AP2B1: variants seen among roughly 807,000 people sequenced by gnomAD.
AP2B1 encodes adaptor related protein complex 2 subunit beta 1.
In AP2B1, 23 loss-of-function variants were observed where a neutral mutation model predicts 102.0. The ratio of observed to expected loss-of-function variants is 0.23; its 90% CI spans 0.16 to 0.32. AP2B1 has a LOEUF of 0.32. Among genes scored for constraint, AP2B1 ranks in the 10% least tolerant of loss-of-function variants. AP2B1 has a pLI of 1.00. For missense variants in AP2B1, 541 were observed against 1,157.4 expected (o/e 0.47, Z 7.73); for synonymous variants, 381 against 421.2 (o/e 0.90, Z 1.17).
chr17:35,630,658 G>T (rs1449749890), intron 9 of AP2B1, among the ~76,000 whole-genome samples: 1 of 152,164 alleles, frequency 6.6e-6, no homozygotes, highest in East Asian at 1.9e-4. Flanking sequence ...AAAGCATCTA[G>T]ATTCCTCAAG....
chr17:35,623,675 G>C (rs540463578), intron 5 of AP2B1, among the ~76,000 whole-genome samples: 1 of 152,238 alleles, frequency 6.6e-6, no homozygotes, highest in East Asian at 1.9e-4. Context: ...ATGCAACCCA[G>C]TTTCAAAGGT....
chr17:35,595,747 C>A (rs2073248907), intron 2 of AP2B1, among the ~76,000 whole-genome samples: 1 of 151,982 alleles, frequency 6.6e-6, no homozygotes, highest in Admixed American at 6.6e-5. Flanking sequence ...CAACTTTTTC[C>A]TCCTTATTTT....
chr17:35,660,013 T>C (rs923961106), intron 14 of AP2B1: 5 of 985,310 alleles, frequency 5.1e-6, no homozygotes, highest in South Asian at 9.4e-5. Flanking sequence ...TTATTGTTCT[T>C]ATGCAAATTA....
intron 5 of AP2B1, among the ~76,000 whole-genome samples, chr17:35,620,308 CCT>C (rs983844389): frequency 2.0e-5 from 3 of 151,602 alleles, no homozygotes; most frequent in African/African-American, 7.3e-5. Context: ...TAGTGAGACC[CCT>C]GTCTCTACCA....
At chr17:35,710,909 G>GA (rs113237729) in intron 20 of AP2B1, among the ~76,000 whole-genome samples, 89 of 151,540 alleles carry the variant, frequency 5.9e-4, no homozygotes, top group Admixed American at 2.0e-4. Context: ...CTCTATAAAA[G>GA]AAAAAAAAGC....
At chr17:35,657,935 T>C in intron 14 of AP2B1, 144 bp downstream of exon 14, 2 of 657,626 alleles carry the variant, frequency 3.0e-6, no homozygotes, top group African/African-American at 1.8e-5. Context: ...TCTTTGTCTT[T>C]AGTAAGACAA....
chr17:35,597,953 T>C (rs1567772175), intron 2 of AP2B1, among the ~76,000 whole-genome samples: 1 of 152,196 alleles, frequency 6.6e-6, no homozygotes, highest in Admixed American at 6.5e-5. Context: ...TAGCTAGATA[T>C]AATGAGATTT....
At chr17:35,703,707 A>T (rs587722623) in intron 18 of AP2B1, among the ~76,000 whole-genome samples, 2 of 152,270 alleles carry the variant, frequency 1.3e-5, no homozygotes, top group Admixed American at 6.5e-5. Flanking sequence ...AAGGGAGAGG[A>T]TCAGGAAAAA....
chr17:35,690,872 C>G (rs2076026930), intron 18 of AP2B1, among the ~76,000 whole-genome samples: 1 of 152,176 alleles, frequency 6.6e-6, no homozygotes, highest in Non-Finnish European at 1.5e-5. Context: ...ACTGCCTCTG[C>G]CTAGAGGTCT....
In AP2B1 at chr17:35,598,269, A is replaced by G; in HGVS notation, c.77A>G (p.Lys26Arg). 6.2e-7 allele frequency: 1 copy of G among 1,613,728 alleles called. No homozygotes were observed. The highest frequency in any genetic ancestry group is 8.5e-7 in the Non-Finnish European group (1 of 1,179,764). Residue 26 changes from lysine (K) to arginine (R), a missense_variant, in exon 3 of 22, where the codon AAG (lysine) becomes AGG (arginine). Lys to Arg is a conservative substitution (Grantham distance 26). Transcript: ENST00000610402. ...CTAAAAGCTGAACTCAACAATGAAA[A>G]GAAAGAAAAGAGAAAGGAGGCTGTG... The part of the protein sequence containing the change: ...FELKAELNNE[K>R]KEKRKEAVKK...
chr17:35,661,903 C>T (rs2075366096), intron 14 of AP2B1, among the ~76,000 whole-genome samples: 1 of 152,008 alleles, frequency 6.6e-6, no homozygotes, highest in Non-Finnish European at 1.5e-5. Context: ...AAAGTAATTG[C>T]GATTTTTGCC....
intron 3 of AP2B1, among the ~76,000 whole-genome samples, chr17:35,602,462 G>A (rs1014600232): frequency 5.9e-5 from 9 of 152,278 alleles, no homozygotes; most frequent in Middle Eastern, 3.4e-3. Flanking sequence ...CTCAAGTGCA[G>A]CACTGGCCAG....
At chr17:35,679,024 C>G (rs1276756077) in intron 17 of AP2B1, among the ~76,000 whole-genome samples, 1 of 152,122 alleles carries the variant, frequency 6.6e-6, no homozygotes, top group African/African-American at 2.4e-5. Context: ...GGAAGTTGTA[C>G]TGCTGTCTTT....
At position 35,621,359 on chromosome 17, in the gene AP2B1, G is replaced by A. The variant is rs1460602473; in HGVS notation, c.526-3038G>A. On this transcript the variant is annotated intron_variant, in intron 5 of 21. Coordinates refer to ENST00000610402, the MANE Select transcript of AP2B1 (RefSeq NM_001030006.2). ...ACGGACCAGGAAAACTGAGAGTGCT[G>A]CCTGGTGAGCCTGCCTCAGTATGTT... 3.0e-6 allele frequency: 3 copies of A among 984,138 alleles called. No homozygotes were observed. In the East Asian group the frequency reaches 3.4e-4, roughly 112 times the overall value. The allele number at this position is 984,138 out of a possible 1,614,324, so 61.0% of individuals were successfully genotyped here.
chr17:35,713,032 A>G (rs2143009398), intron 20 of AP2B1, among the ~76,000 whole-genome samples: 1 of 152,356 alleles, frequency 6.6e-6, no homozygotes, highest in East Asian at 1.9e-4. Context: ...GTCTGTCAAA[A>G]TAACAGAGAA....
intron 5 of AP2B1, among the ~76,000 whole-genome samples, chr17:35,622,230 A>G (rs528447612): frequency 2.0e-5 from 3 of 152,350 alleles, no homozygotes; most frequent in Admixed American, 6.5e-5. Context: ...ATAAAATAGT[A>G]TATCTGTAAC....
intron 9 of AP2B1, among the ~76,000 whole-genome samples, chr17:35,628,379 A>C (rs1466646636): frequency 6.6e-6 from 1 of 152,122 alleles, no homozygotes; most frequent in Non-Finnish European, 1.5e-5. Flanking sequence ...AGGTGAGAGG[A>C]CTGCTTGAGC....
At chr17:35,711,332 T>C (rs1555587381) in intron 20 of AP2B1, among the ~76,000 whole-genome samples, 1 of 151,874 alleles carries the variant, frequency 6.6e-6, no homozygotes, top group African/African-American at 2.4e-5. Context: ...TCATAAGGGA[T>C]TTCCAGCACA....
rs225242 is a variant in AP2B1, at chr17:35,621,236, T to C, written c.526-3161T>C. The C allele has an allele frequency of 3.3e-3, 2,860 of 860,062 alleles. 6 individuals carry two copies. Among genetic ancestry groups the C allele is most frequent in the Non-Finnish European group, 3.8e-3 (2,704 of 715,634 alleles). 53.3% of individuals were successfully genotyped at this position (860,062 alleles called of 1,614,324 possible). Reference sequence around the variant, plus strand: ...TGTCATGTACTCTCTAGCCACCCAGTTGCTGTCTCAAAGTTAGTCTTTTTC... The same window carrying C: ...TGTCATGTACTCTCTAGCCACCCAGCTGCTGTCTCAAAGTTAGTCTTTTTC... On this transcript the variant is annotated intron_variant, in intron 5 of 21. Coordinates refer to ENST00000610402, the MANE Select transcript of AP2B1 (RefSeq NM_001030006.2).
Sources: allele counts gnomAD v4.1 joint callset (sites outside exome capture counted in the v4.1 genomes callset), GRCh38; gene constraint gnomAD v4.1.1; transcripts MANE v1.5; gene names NCBI Gene and HGNC (gene_info 2026-07-23, HGNC 2026-07-21).